The following ITGAE variants were observed in gnomAD, a reference collection of about 807,000 sequenced individuals.
ITGAE encodes the protein integrin subunit alpha E, also known as integrin alpha-E.
In ITGAE, 99 loss-of-function variants were observed where a neutral mutation model predicts 136.5. The ratio of observed to expected loss-of-function variants is 0.73; its 90% CI spans 0.62 to 0.86. The LOEUF (loss-of-function observed/expected upper bound fraction) is 0.86, where lower values mean the gene tolerates loss of function less well. Ranked by LOEUF, ITGAE falls within the 40% of genes least tolerant of loss-of-function variation. The pLI is 0.00. For synonymous variants in ITGAE, 613 were observed against 591.8 expected, an observed-to-expected ratio of 1.04 and a Z score of -0.52; for missense variants, 1,447 against 1,515.3, an observed-to-expected ratio of 0.95 and a Z score of 0.75.
intron 2 of ITGAE, among the ~76,000 whole-genome samples, chr17:3,773,919 G>C (rs2052483781): frequency 6.6e-6 from 1 of 152,234 alleles, no homozygotes; most frequent in Admixed American, 6.5e-5. Flanking sequence ...ATGTATGCCA[G>C]ATAATGGGAC....
At chr17:3,717,698 C>T (rs1236877400) in intron 29 of ITGAE, 1 of 152,228 alleles carries the variant, frequency 6.6e-6, no homozygotes. Flanking sequence ...GACAAACTTA[C>T]CTTTAAGGCC....
chr17:3,771,353 C>A, intron 2 of ITGAE, among the ~76,000 whole-genome samples: 1 of 152,104 alleles, frequency 6.6e-6, no homozygotes, highest in East Asian at 1.9e-4. Context: ...GAGGCTAATC[C>A]ACGGAGATGA....
chr17:3,769,720 G>C (rs2052376091), intron 2 of ITGAE, among the ~76,000 whole-genome samples: 1 of 152,340 alleles, frequency 6.6e-6, no homozygotes, highest in South Asian at 2.1e-4. Context: ...GTCTCACTCT[G>C]TCTCCCAGGC....
chr17:3,773,262 C>T (rs967965581), intron 2 of ITGAE, among the ~76,000 whole-genome samples: 7 of 152,098 alleles, frequency 4.6e-5, no homozygotes, highest in Admixed American at 6.6e-5. Context: ...GAGGCCGAGG[C>T]GGGCGGATCA....
intron 16 of ITGAE, among the ~76,000 whole-genome samples, chr17:3,749,045 G>A (rs2567856): frequency 0.099 from 15,030 of 152,146 alleles, 847 homozygotes; most frequent in East Asian, 0.17. Context: ...AGTGTCCAGG[G>A]AGTGAAGACA....
In ITGAE at chr17:3,766,124, G is replaced by A. The variant is rs376076780; in HGVS notation, c.156-2164C>T. Among the ~76,000 whole-genome samples, 15 of 152,208 alleles carry A rather than the reference G, an allele frequency of 9.9e-5. No individual in the cohort carries two copies. In the East Asian group the frequency reaches 2.3e-3, roughly 24 times the overall value. On this transcript the variant is annotated intron_variant, in intron 2 of 30. Coordinates refer to ENST00000263087, the MANE Select transcript of ITGAE (RefSeq NM_002208.5). ...CTTCTATGAGGGAGGCCCCGAAAACGGTGGCATGGGCGAGCCGCAGGGACT... is the reference window on the plus strand; with the variant it reads ...CTTCTATGAGGGAGGCCCCGAAAACAGTGGCATGGGCGAGCCGCAGGGACT...
At chr17:3,724,192 G>C (rs1283990799) in intron 26 of ITGAE, 4 of 1,592,114 alleles carry the variant, frequency 2.5e-6, no homozygotes, top group Non-Finnish European at 3.4e-6. Flanking sequence ...CCCGGCGGCC[G>C]AGTGCCCAAG....
intron 1 of ITGAE, among the ~76,000 whole-genome samples, chr17:3,786,631 C>A (rs1202718743): frequency 6.6e-6 from 1 of 152,088 alleles, no homozygotes; most frequent in African/African-American, 2.4e-5. Flanking sequence ...GTGGCTCATG[C>A]CTGTAATCCC....
intron 8 of ITGAE, among the ~76,000 whole-genome samples, chr17:3,758,423 A>T (rs905246368): frequency 5.9e-5 from 9 of 151,366 alleles, no homozygotes; most frequent in Non-Finnish European, 1.3e-4. Flanking sequence ...GAGTACTATT[A>T]TTATTCTCAT....
chr17:3,727,493 G>T (rs183413530), intron 26 of ITGAE, among the ~76,000 whole-genome samples: 1 of 151,006 alleles, frequency 6.6e-6, no homozygotes, highest in South Asian at 2.1e-4. Context: ...TCCGCCTCCC[G>T]GGCTCACACC....
intron 21 of ITGAE, 147 bp from the exon 22 acceptor site, chr17:3,732,613 G>T (rs1033890343): frequency 1.0e-5 from 7 of 672,158 alleles, no homozygotes; most frequent in Non-Finnish European, 1.8e-5. Context: ...AGTCCACTTG[G>T]TCCCTGTCTT....
intron 2 of ITGAE, among the ~76,000 whole-genome samples, chr17:3,765,400 C>T (rs1567543969): frequency 6.8e-6 from 1 of 146,904 alleles, no homozygotes; most frequent in East Asian, 2.0e-4. Flanking sequence ...TGGGTTGGGA[C>T]AGACTAAAGA....
At chr17:3,746,282 GA>G (rs1412799946) in intron 17 of ITGAE, among the ~76,000 whole-genome samples, 3 of 151,812 alleles carry the variant, frequency 2.0e-5, no homozygotes, top group African/African-American at 7.3e-5. Flanking sequence ...ACTCTGCGGA[GA>G]AAAACCCCAG....
chr17:3,725,282 T>C, intron 26 of ITGAE: 1 of 1,614,092 alleles, frequency 6.2e-7, no homozygotes, highest in South Asian at 1.1e-5. Flanking sequence ...CCTTAAACAC[T>C]CTAAGTATTT....
chr17:3,799,580 C>T lies in ITGAE; in HGVS notation c.34+1531G>A, dbSNP rs910993810. 6.6e-6 allele frequency among the ~76,000 whole-genome samples: 1 copy of T among 152,042 alleles called. No individual in the cohort carries two copies. Among genetic ancestry groups the T allele is most frequent in the Non-Finnish European group, 1.5e-5 (1 of 68,004 alleles). Reference sequence around the variant, plus strand: ...TGTCTATTATCAGTTGCTTGCAAGCCTGGGTAGTCACTGCCCGCTCTGTGC... The same window carrying T: ...TGTCTATTATCAGTTGCTTGCAAGCTTGGGTAGTCACTGCCCGCTCTGTGC... On this transcript the variant is annotated intron_variant, in intron 1 of 30. Transcript: ENST00000263087. The surrounding 1 kb of genome is among the most constrained non-coding windows in gnomAD (Gnocchi z 4.1).
At chr17:3,731,251 A>C in intron 22 of ITGAE, 68 bp from the exon 23 acceptor site, 2 of 1,173,826 alleles carry the variant, frequency 1.7e-6, no homozygotes, top group Non-Finnish European at 2.6e-6. Flanking sequence ...ACCGCTAGCT[A>C]CTCGTGGAAC....
In ITGAE at chr17:3,760,241, G is replaced by T. The variant is rs2052131959; in HGVS notation, c.645C>A (p.Pro215=). ...IILDGSGSID[P]PDFQRAKDFI... ...AGTCTTTGGCTCTCTGAAAGTCTGG[G>T]GGATCAATGCTTCCTGAGCCATCCA... The change falls in exon 7 of 31, where the codon CCC becomes CCA. Residue 215 remains proline, a synonymous_variant. Transcript: ENST00000263087. The T allele has an allele frequency of 1.4e-5, 23 of 1,613,834 alleles. No individual in the cohort carries two copies. Among genetic ancestry groups the T allele is most frequent in the Non-Finnish European group, 1.9e-5 (23 of 1,179,950 alleles).
chr17:3,756,018 G>T (rs1567536725), intron 10 of ITGAE, 121 bp from the exon 11 acceptor site: 15 of 905,928 alleles, frequency 1.7e-5, no homozygotes, highest in Non-Finnish European at 2.6e-5. Context: ...AACAGGAAGA[G>T]AACCCGGCTG....
At chr17:3,777,931 C>T (rs2052582271) in intron 1 of ITGAE, among the ~76,000 whole-genome samples, 1 of 152,164 alleles carries the variant, frequency 6.6e-6, no homozygotes, top group Non-Finnish European at 1.5e-5. Flanking sequence ...CCCACCTCCT[C>T]ACGCCTCTTA....
Sources: allele counts gnomAD v4.1 joint callset (sites outside exome capture counted in the v4.1 genomes callset), GRCh38; gene constraint gnomAD v4.1.1; non-coding constraint Gnocchi (gnomAD v3.1); transcripts MANE v1.5; gene names NCBI Gene and HGNC (gene_info 2026-07-23, HGNC 2026-07-21).